The following NAALADL2 variants were observed in gnomAD, a reference collection of about 807,000 sequenced individuals.
The protein encoded by NAALADL2 is inactive N-acetylated-alpha-linked acidic dipeptidase-like protein 2.
NAALADL2 carries 76 observed loss-of-function variants against 87.2 expected under a neutral mutation model. That is an observed-to-expected ratio of 0.87 (90% CI 0.72 to 1.05). The LOEUF (loss-of-function observed/expected upper bound fraction) is 1.05. Among genes scored for constraint, NAALADL2 ranks in the 50% least tolerant of loss-of-function variants. NAALADL2 has a pLI of 0.00. For missense variants in NAALADL2, 1,089 were observed against 945.8 expected (o/e 1.15, Z -1.99); for synonymous variants, 354 against 331.0 (o/e 1.07, Z -0.75).
intron 2 of NAALADL2, among the ~76,000 whole-genome samples, chr3:174,588,493 C>T (rs971014867): frequency 3.9e-5 from 6 of 152,098 alleles, no homozygotes; most frequent in Admixed American, 2.0e-4. Context: ...CTGGTTTTTC[C>T]CCATCTTCAT....
At chr3:174,977,302 T>C (rs9872910) in intron 1 of NAALADL2, among the ~76,000 whole-genome samples, 96,192 of 151,870 alleles carry the variant, frequency 0.63, 31,392 homozygotes, top group African/African-American at 0.79. Flanking sequence ...TTTTTGTATT[T>C]TTAGTAGAGA....
intron 13 of NAALADL2, among the ~76,000 whole-genome samples, chr3:175,787,086 T>G (rs3114971): frequency 0.019 from 2,838 of 151,076 alleles, 98 homozygotes; most frequent in African/African-American, 0.064. Flanking sequence ...TCTCCAGCTG[T>G]GTGCTGGGAG....
intron 2 of NAALADL2, among the ~76,000 whole-genome samples, chr3:174,573,286 G>C (rs1340671858): frequency 6.6e-6 from 1 of 151,982 alleles, no homozygotes; most frequent in Non-Finnish European, 1.5e-5. Flanking sequence ...TTAATTTTTA[G>C]AGATATGGTC....
At chr3:175,520,282 ATTTTTTTTTTT>A (rs35580351) in intron 9 of NAALADL2, among the ~76,000 whole-genome samples, 13 of 78,146 alleles carry the variant, frequency 1.7e-4, no homozygotes, top group African/African-American at 5.9e-4. Context: ...AAAGAATGCA[ATTTTTTTTTTT>A]TTTTTTTTTT....
chr3:174,710,748 C>T (rs192456958), intron 2 of NAALADL2, among the ~76,000 whole-genome samples: 2 of 152,226 alleles, frequency 1.3e-5, no homozygotes, highest in Non-Finnish European at 2.9e-5. Context: ...GGACCTCTTT[C>T]CTACAACCAC....
At chr3:175,762,787 A>G (rs981089044) in intron 13 of NAALADL2, among the ~76,000 whole-genome samples, 1 of 152,168 alleles carries the variant, frequency 6.6e-6, no homozygotes, top group East Asian at 1.9e-4. Flanking sequence ...TATGCAGTTA[A>G]GAAAAGAGTA....
chr3:175,388,945 G>GA (rs902825849), intron 5 of NAALADL2, among the ~76,000 whole-genome samples: 6 of 151,780 alleles, frequency 4.0e-5, no homozygotes, highest in South Asian at 2.1e-4. Flanking sequence ...TTCTTTTATA[G>GA]AAAAAAAATT....
At position 175,803,231 on chromosome 3, in the gene NAALADL2, G is replaced by A; in HGVS notation, c.*28G>A. On this transcript the variant is annotated 3_prime_UTR_variant, in exon 14 of 14. Coordinates refer to ENST00000454872, the MANE Select transcript of NAALADL2 (RefSeq NM_207015.3). Reference sequence around the variant, plus strand: ...AAACTCTGAGCATTTTTAAAAGTTTGTTTACAATTCCACAAGCAAAAGCTC... The same window carrying A: ...AAACTCTGAGCATTTTTAAAAGTTTATTTACAATTCCACAAGCAAAAGCTC... 4 of 1,525,480 alleles carry A rather than the reference G, an allele frequency of 2.6e-6. No individual in the cohort carries two copies. Among genetic ancestry groups the A allele is most frequent in the Non-Finnish European group, 2.7e-6 (3 of 1,125,960 alleles). 94.5% of individuals were successfully genotyped at this position (1,525,480 alleles called of 1,614,324 possible).
chr3:174,470,583 C>T (rs1716836459), intron 1 of NAALADL2, among the ~76,000 whole-genome samples: 1 of 152,078 alleles, frequency 6.6e-6, no homozygotes, highest in Admixed American at 6.5e-5. Flanking sequence ...TTTCCTAGGT[C>T]TCCTTCTGGG....
At chr3:175,494,029 ACTT>A (rs1413465706) in intron 9 of NAALADL2, among the ~76,000 whole-genome samples, 1 of 152,118 alleles carries the variant, frequency 6.6e-6, no homozygotes, top group African/African-American at 2.4e-5. Context: ...AATATTACAT[ACTT>A]CTTGTATACA....
intron 13 of NAALADL2, among the ~76,000 whole-genome samples, chr3:175,762,256 T>C (rs1748132419): frequency 6.7e-6 from 1 of 148,900 alleles, no homozygotes; most frequent in South Asian, 2.1e-4. Flanking sequence ...GACTCTCTTT[T>C]CTCTGTTGAA....
intron 3 of NAALADL2, among the ~76,000 whole-genome samples, chr3:174,839,752 C>T (rs977597041): frequency 6.6e-6 from 1 of 151,862 alleles, no homozygotes; most frequent in African/African-American, 2.4e-5. Flanking sequence ...ACATGCTCTA[C>T]ATACACTAAT....
intron 10 of NAALADL2, among the ~76,000 whole-genome samples, chr3:175,626,331 A>AT (rs1726978749): frequency 6.6e-6 from 1 of 151,918 alleles, no homozygotes; most frequent in South Asian, 2.1e-4. Flanking sequence ...AGCATTGAAA[A>AT]TATGTCCATG....
intron 4 of NAALADL2, among the ~76,000 whole-genome samples, chr3:175,284,496 A>AT (rs927428198): frequency 6.6e-6 from 1 of 151,698 alleles, no homozygotes; most frequent in African/African-American, 2.4e-5. Flanking sequence ...AGCCAGGATT[A>AT]TTTGTATGGA....
At chr3:174,682,127 G>A (rs1196302250) in intron 2 of NAALADL2, among the ~76,000 whole-genome samples, 2 of 152,196 alleles carry the variant, frequency 1.3e-5, no homozygotes, top group Admixed American at 6.5e-5. Context: ...TGGAGAGAAG[G>A]GGGAAGAGTG....
chr3:175,636,931 T>C (rs980324932), intron 11 of NAALADL2, among the ~76,000 whole-genome samples: 1 of 152,188 alleles, frequency 6.6e-6, no homozygotes, highest in African/African-American at 2.4e-5. Context: ...TCAGAAACAT[T>C]TGAATGCATG....
chr3:174,556,685 A>T (rs1216199198), intron 2 of NAALADL2, among the ~76,000 whole-genome samples: 1 of 152,162 alleles, frequency 6.6e-6, no homozygotes, highest in Non-Finnish European at 1.5e-5. Context: ...TTTTAAGAAT[A>T]TGTGTTCTTG....
intron 6 of NAALADL2, among the ~76,000 whole-genome samples, chr3:175,447,663 T>TA (rs1720915316): frequency 6.6e-6 from 1 of 152,170 alleles, no homozygotes; most frequent in African/African-American, 2.4e-5. Flanking sequence ...AAAATCTGCT[T>TA]AACATAGCTT....
At chr3:175,050,396 G>A (rs1755220903) in intron 1 of NAALADL2, among the ~76,000 whole-genome samples, 1 of 152,064 alleles carries the variant, frequency 6.6e-6, no homozygotes, top group Admixed American at 6.6e-5. Context: ...CGAGTAGCTG[G>A]GATCACAGGG....
Sources: allele counts gnomAD v4.1 joint callset (sites outside exome capture counted in the v4.1 genomes callset), GRCh38; gene constraint gnomAD v4.1.1; transcripts MANE v1.5; gene names NCBI Gene and HGNC (gene_info 2026-07-23, HGNC 2026-07-21).